The following EPG5 variants were observed in gnomAD, a reference collection of about 807,000 sequenced individuals.
EPG5 encodes the protein ectopic P granules protein 5 homolog.
EPG5 carries 159 observed loss-of-function variants against 302.7 expected under a neutral mutation model. The ratio of observed to expected loss-of-function variants is 0.53; its 90% CI spans 0.46 to 0.60. EPG5 has a LOEUF of 0.60. Ranked by LOEUF, EPG5 falls within the 20% of genes least tolerant of loss-of-function variation. The pLI is 0.00. For missense variants in EPG5, 2,896 were observed against 3,092.4 expected (o/e 0.94, Z 1.51); for synonymous variants, 1,158 against 1,136.8 (o/e 1.02, Z -0.37).
chr18:45,944,769 C>G (rs1298772062), intron 7 of EPG5, among the ~76,000 whole-genome samples: 2 of 152,036 alleles, frequency 1.3e-5, no homozygotes, highest in Non-Finnish European at 2.9e-5. Flanking sequence ...AAAACAAGAA[C>G]CATAGATGAG....
intron 39 of EPG5, 98 bp downstream of exon 39, chr18:45,865,517 G>GCAA: frequency 7.8e-7 from 1 of 1,281,194 alleles, no homozygotes; most frequent in Non-Finnish European, 1.1e-6. Context: ...GGAAAGAGGA[G>GCAA]TGCCAGTGTC....
chr18:45,824,268 A>G, the EPG5 span, among the ~76,000 whole-genome samples: 5 of 152,156 alleles, frequency 3.3e-5, no homozygotes, highest in Admixed American at 1.3e-4. Flanking sequence ...GGGCAGTGGC[A>G]CAATCTTGGC....
chr18:45,851,359 C>A lies in EPG5; in HGVS notation c.*1108G>T, dbSNP rs2048420349. 6.6e-6 allele frequency: 1 copy of A among 152,118 alleles called. No homozygotes were observed. Among genetic ancestry groups the A allele is most frequent in the Non-Finnish European group, 1.5e-5 (1 of 68,018 alleles). 9.4% of individuals were successfully genotyped at this position (152,118 alleles called of 1,614,324 possible). ...CATGAGCAAGAAGATGGCCACAGAA[C>A]AAGGCAAAGTTACACACAGGCTTTG... On this transcript the variant is annotated 3_prime_UTR_variant, in exon 44 of 44. Coordinates refer to ENST00000282041, the MANE Select transcript of EPG5 (RefSeq NM_020964.3).
intron 1 of EPG5, among the ~76,000 whole-genome samples, chr18:45,963,337 T>C (rs1265770714): frequency 1.3e-5 from 2 of 152,152 alleles, no homozygotes; most frequent in African/African-American, 2.4e-5. Flanking sequence ...GGAAACAACA[T>C]GGGCAAAGGC....
At chr18:45,880,289 A>G in intron 31 of EPG5, 66 bp from the exon 32 acceptor site, 1 of 1,405,762 alleles carries the variant, frequency 7.1e-7, no homozygotes, top group East Asian at 2.5e-5. Context: ...ACTTGTAACA[A>G]AGAATATGAG....
Position 45,916,496 on chromosome 18 carries a change from T to C in EPG5, c.3326A>G (p.Gln1109Arg). ...VTQQVTHKVA[Q>R]HLTGASHGDN... ...CCCATGGCTGGCTCCTGTCAGGTGC[T>C]GTGCCACCTTGTGGGTGACCTGTTG... Residue 1109 changes from glutamine to arginine, a missense_variant, in exon 18 of 44, where the codon CAG becomes CGG. By Grantham distance (43) the Gln-to-Arg change is conservative (BLOSUM62 1). Around this residue, in one of 5 missense-constraint regions of EPG5, gnomAD observed 1,390 missense variants for 1,430.0 expected, o/e 0.97. Transcript: ENST00000282041. 1 of 1,613,802 alleles carries C rather than the reference T, an allele frequency of 6.2e-7. No homozygotes were observed.
chr18:45,865,611 T>C lies in EPG5; in HGVS notation c.6766+4A>G. 1 of 1,613,960 alleles carries C rather than the reference T, an allele frequency of 6.2e-7. No homozygotes were observed. The highest frequency in any genetic ancestry group is 8.5e-7 in the Non-Finnish European group (1 of 1,179,904). On this transcript the variant is annotated splice_donor_region_variant and intron_variant, in intron 39 of 43. Transcript: ENST00000282041. ...GAATACAGGACTTCCGACTGGTCAC[T>C]TACCGGGCGGGTTAAAGACAATGAT...
intron 1 of EPG5, among the ~76,000 whole-genome samples, chr18:45,961,325 C>T (rs2051144079): frequency 6.6e-6 from 1 of 152,216 alleles, no homozygotes; most frequent in South Asian, 2.1e-4. Flanking sequence ...AGAGTAAAAG[C>T]TCACGCAAGG....
intron 27 of EPG5, among the ~76,000 whole-genome samples, chr18:45,891,963 G>A (rs763429798): frequency 1.3e-5 from 2 of 152,132 alleles, no homozygotes; most frequent in Non-Finnish European, 2.9e-5. Context: ...GGGACTATGC[G>A]TGTCACAGAA....
chr18:45,837,773 C>T, the EPG5 span: 63 of 1,524,234 alleles, frequency 4.1e-5, no homozygotes, highest in Admixed American at 1.9e-5. Context: ...CCGCAACGAC[C>T]TCTCGCTGCG....
intron 40 of EPG5, among the ~76,000 whole-genome samples, chr18:45,859,168 T>A (rs2048580854): frequency 6.6e-6 from 1 of 152,246 alleles, no homozygotes; most frequent in South Asian, 2.1e-4. Flanking sequence ...TAAGAACATA[T>A]GAACACTTAT....
chr18:45,840,330 G>A, the EPG5 span: 1 of 1,436,534 alleles, frequency 7.0e-7, no homozygotes, highest in Non-Finnish European at 9.5e-7. Flanking sequence ...GGAATAAATG[G>A]CAAAGGGCTG....
chr18:45,858,575 A>C lies in EPG5; in HGVS notation c.7217T>G (p.Val2406Gly), dbSNP rs1489617016. Residue 2406 changes from valine (V) to glycine (G), a missense_variant, in exon 41 of 44, where the codon GTG (valine) becomes GGG (glycine). Transcript: ENST00000282041. ...LLILSKWLEQVYPSSVEEEAK... is the reference protein window; with the variant it reads ...LLILSKWLEQGYPSSVEEEAK... ...CTGAGGGCCAACGTACCTTGGGTAC[A>C]CCTGTTCCAGCCACTTGCTTAAGAT... is the stretch of plus-strand genomic sequence containing the variant. 2.5e-6 allele frequency: 4 copies of C among 1,613,954 alleles called. No homozygotes were observed. The highest frequency in any genetic ancestry group is 3.4e-6 in the Non-Finnish European group (4 of 1,179,918).
chr18:45,882,013 G>C (rs531848788), intron 31 of EPG5, among the ~76,000 whole-genome samples: 1 of 152,256 alleles, frequency 6.6e-6, no homozygotes, highest in African/African-American at 2.4e-5. Flanking sequence ...AGAAGTACCT[G>C]CATGACTGTG....
rs776920434 is a variant in EPG5 at position 45,954,726 on chromosome 18, C to T, written c.676G>A (p.Glu226Lys). 12 of 1,614,064 alleles carry T rather than the reference C, an allele frequency of 7.4e-6. 1 individual carries two copies. In the South Asian group the frequency reaches 1.3e-4, roughly 18 times the overall value. Residue 226 changes from glutamate (E) to lysine (K), a missense_variant, in exon 2 of 44, where the codon GAA becomes AAA. Glu to Lys is a moderately conservative substitution (Grantham distance 56, BLOSUM62 1). Transcript: ENST00000282041. ...TTCACTGCCACCAAAGCTGGTGCTT[C>T]TCCAGCAATTTCAGCTGGCAACTGG... is the stretch of plus-strand genomic sequence containing the variant. ...YPQLPAEIAGEAPALVAVKPL... is the reference protein window; with the variant it reads ...YPQLPAEIAGKAPALVAVKPL...
intron 13 of EPG5, among the ~76,000 whole-genome samples, chr18:45,928,106 G>A (rs920433375): frequency 1.3e-5 from 2 of 151,888 alleles, no homozygotes; most frequent in African/African-American, 4.8e-5. Flanking sequence ...TGAGATAGGA[G>A]AATCACTTGA....
chr18:45,824,357 C>T, the EPG5 span, among the ~76,000 whole-genome samples: 2 of 152,162 alleles, frequency 1.3e-5, no homozygotes, highest in Admixed American at 1.3e-4. Flanking sequence ...CAGGCACCCA[C>T]CACCACACCC....
the EPG5 span, chr18:45,837,832 C>T: frequency 7.2e-6 from 11 of 1,535,632 alleles, no homozygotes; most frequent in Non-Finnish European, 9.6e-6. Flanking sequence ...TCTGCCGCGT[C>T]GAGTTCGCCG....
rs1195780333 is a variant in EPG5, at chr18:45,867,726, C to T, written c.6248G>A (p.Ser2083Asn). The T allele has an allele frequency of 1.2e-6, 2 of 1,603,374 alleles. No individual in the cohort carries two copies. The highest frequency in any genetic ancestry group is 1.7e-4 in the Middle Eastern group (1 of 5,992). Reference protein sequence around the residue: ...FFKVERGSPKSCFLFLGSVLC... With the variant: ...FFKVERGSPKNCFLFLGSVLC... ...TACAGACCCCAAAAATAAGAAACAG[C>T]TCTTGGGGCTTCCTCGTTCCACCTA... The change falls in exon 37 of 44, where the codon AGC becomes AAC. Residue 2083 changes from serine (S) to asparagine (N), a missense_variant. Around this residue, in one of 5 missense-constraint regions of EPG5, gnomAD observed 620 missense variants for 704.2 expected, o/e 0.88. Coordinates refer to ENST00000282041, the MANE Select transcript of EPG5 (RefSeq NM_020964.3).
Sources: gnomAD v4.1 joint callset for allele counts (sites outside exome capture counted in the v4.1 genomes callset) on GRCh38, gnomAD v4.1.1 for gene constraint, gnomAD v4.1.1 regional missense constraint, MANE v1.5 for transcripts, NCBI Gene and HGNC (gene_info 2026-07-23, HGNC 2026-07-21) for gene names.